ZDHHC14: variants seen among roughly 807,000 people sequenced by gnomAD.
ZDHHC14 encodes zDHHC palmitoyltransferase 14.
ZDHHC14 carries 16 observed loss-of-function variants against 47.7 expected under a neutral mutation model. The ratio of observed to expected loss-of-function variants is 0.34; its 90% confidence interval spans 0.23 to 0.51. ZDHHC14 has a LOEUF of 0.51. Ranked by LOEUF, ZDHHC14 falls within the 20% of genes least tolerant of loss-of-function variation. The probability of loss-of-function intolerance (pLI) is 0.97; values close to 1 mark genes in which losing one functional copy is unlikely to be tolerated. For synonymous variants in ZDHHC14, 293 were observed against 278.9 expected, an observed-to-expected ratio of 1.05 and a Z score of -0.50; for missense variants, 515 against 662.5, an observed-to-expected ratio of 0.78 and a Z score of 2.44.
chr6:157,592,861 G>A lies in ZDHHC14; in HGVS notation c.407-127G>A, dbSNP rs142055883. 2.4e-4 allele frequency: 350 copies of A among 1,487,340 alleles called. 1 individual carries two copies. The African/African-American group carries it at 4.5e-3, about 19-fold the overall frequency. The allele number at this position is 1,487,340 out of a possible 1,614,324, so 92.1% of individuals were successfully genotyped here. ...CCCAGAGCCCCAGCCTGGGTAAACCGTGGGCACCGGGGGCCCTGCCAGCCG... is the reference window on the plus strand; with the variant it reads ...CCCAGAGCCCCAGCCTGGGTAAACCATGGGCACCGGGGGCCCTGCCAGCCG... On this transcript the variant is annotated intron_variant, in intron 2 of 8. Transcript: ENST00000359775.
At chr6:157,522,748 T>C (rs28460571) in intron 1 of ZDHHC14, among the ~76,000 whole-genome samples, 148 of 19,802 alleles carry the variant, frequency 7.5e-3, no homozygotes, top group African/African-American at 9.2e-3. Flanking sequence ...TCCCTCCCTT[T>C]CTTCCTCCCT....
chr6:157,633,911 C>T (rs1406982971), intron 5 of ZDHHC14, among the ~76,000 whole-genome samples: 1 of 152,114 alleles, frequency 6.6e-6, no homozygotes, highest in Non-Finnish European at 1.5e-5. Context: ...CCTGGCCCTC[C>T]CCAAGTGTTG....
intron 2 of ZDHHC14, among the ~76,000 whole-genome samples, chr6:157,590,441 C>T (rs1296320792): frequency 2.0e-5 from 3 of 152,174 alleles, no homozygotes; most frequent in Non-Finnish European, 4.4e-5. Context: ...TTAAAAGGGG[C>T]CAAGGTTCAG....
chr6:157,593,264 G>C (rs905925), intron 3 of ZDHHC14, 118 bp downstream of exon 3: 772,346 of 1,289,154 alleles, frequency 0.6, 235,724 homozygotes, highest in African/African-American at 0.85. Context: ...GCATTTGCAT[G>C]TTGCCACTGA....
At chr6:157,671,680 A>T (rs1490580706) in intron 8 of ZDHHC14, among the ~76,000 whole-genome samples, 1 of 152,210 alleles carries the variant, frequency 6.6e-6, no homozygotes, top group Non-Finnish European at 1.5e-5. Flanking sequence ...GACACGAGGC[A>T]GATATCATGT....
At chr6:157,492,626 T>G (rs1779954293) in intron 1 of ZDHHC14, among the ~76,000 whole-genome samples, 1 of 152,202 alleles carries the variant, frequency 6.6e-6, no homozygotes, top group South Asian at 2.1e-4. Flanking sequence ...GAAGGCTGTG[T>G]TCTACCTGCT....
Position 157,674,964 on chromosome 6 carries a change from CCTT to C in ZDHHC14, c.*1843_*1845del, listed in dbSNP as rs937942563. 4 of 152,256 alleles carry C rather than the reference CCTT, an allele frequency of 2.6e-5. No individual in the cohort carries two copies. Among genetic ancestry groups the C allele is most frequent in the Non-Finnish European group, 5.9e-5 (4 of 68,054 alleles). 9.4% of individuals were successfully genotyped at this position (152,256 alleles called of 1,614,324 possible). On this transcript the variant is annotated 3_prime_UTR_variant, in exon 9 of 9. Transcript: ENST00000359775. ...TGTGTAATTCATGGGGCAGTGCCCT[CCTT>C]ACACAACCGCACACGCTCACAGGCA... is the stretch of plus-strand genomic sequence containing the variant.
At chr6:157,481,899 A>G (rs1779640186) in intron 1 of ZDHHC14, among the ~76,000 whole-genome samples, 2 of 152,234 alleles carry the variant, frequency 1.3e-5, no homozygotes. Context: ...ATAAGCAACT[A>G]GAGGTGCATG....
intron 3 of ZDHHC14, among the ~76,000 whole-genome samples, chr6:157,614,133 AG>A (rs1273960523): frequency 6.7e-6 from 1 of 149,978 alleles, no homozygotes; most frequent in Non-Finnish European, 1.5e-5. Context: ...AGCTCTTGGT[AG>A]GGGGGATGGG....
intron 1 of ZDHHC14, among the ~76,000 whole-genome samples, chr6:157,505,715 G>A (rs1469354229): frequency 6.9e-6 from 1 of 145,138 alleles, no homozygotes; most frequent in African/African-American, 2.6e-5. Flanking sequence ...TCATGGATAG[G>A]GAGGCAGGGA....
chr6:157,506,406 G>A lies in ZDHHC14; in HGVS notation c.246-36179G>A, dbSNP rs182982826. Among the ~76,000 whole-genome samples the A allele has an allele frequency of 1.2e-4, 19 of 152,328 alleles. No individual in the cohort carries two copies. In the East Asian group the frequency reaches 3.3e-3, roughly 26 times the overall value. Reference sequence around the variant, plus strand: ...TCTGGGAATCCATTTGCAAAGAGCTGGATGTTGGAGAGAGCCCTCTGCAAG... The same window carrying A: ...TCTGGGAATCCATTTGCAAAGAGCTAGATGTTGGAGAGAGCCCTCTGCAAG... On this transcript the variant is annotated intron_variant, in intron 1 of 8. Coordinates refer to ENST00000359775, the MANE Select transcript of ZDHHC14 (RefSeq NM_024630.3).
intron 3 of ZDHHC14, among the ~76,000 whole-genome samples, chr6:157,608,814 G>A (rs770193742): frequency 1.5e-4 from 23 of 152,336 alleles, no homozygotes; most frequent in South Asian, 2.1e-4. Context: ...ATGGTGGCAC[G>A]ACAGAGCCAA....
At chr6:157,624,450 G>C (rs1785322831) in intron 3 of ZDHHC14, among the ~76,000 whole-genome samples, 1 of 152,288 alleles carries the variant, frequency 6.6e-6, no homozygotes, top group Non-Finnish European at 1.5e-5. Flanking sequence ...TCGTTCCTTG[G>C]ATCTGAGGAA....
chr6:157,477,437 T>A (rs964799084), intron 1 of ZDHHC14, among the ~76,000 whole-genome samples: 1 of 152,186 alleles, frequency 6.6e-6, no homozygotes, highest in Non-Finnish European at 1.5e-5. Flanking sequence ...GTGCAGACAT[T>A]ATCTTAAATA....
intron 1 of ZDHHC14, among the ~76,000 whole-genome samples, chr6:157,479,086 G>T (rs1367736650): frequency 1.3e-5 from 2 of 152,192 alleles, no homozygotes; most frequent in Non-Finnish European, 2.9e-5. Flanking sequence ...CAGAAAGCCA[G>T]CATGGCATTG....
intron 1 of ZDHHC14, among the ~76,000 whole-genome samples, chr6:157,534,290 C>T (rs145105152): frequency 4.7e-4 from 72 of 152,308 alleles, no homozygotes; most frequent in African/African-American, 1.4e-3. Flanking sequence ...CGATGCCTTA[C>T]GGTTCCAGGA....
At chr6:157,389,288 T>C (rs559300806) in intron 1 of ZDHHC14, among the ~76,000 whole-genome samples, 4 of 152,334 alleles carry the variant, frequency 2.6e-5, no homozygotes, top group African/African-American at 7.2e-5. Flanking sequence ...TTTTTCTCTC[T>C]CTTCCTCAAT....
At chr6:157,656,789 A>G (rs1362463475) in intron 8 of ZDHHC14, among the ~76,000 whole-genome samples, 1 of 151,200 alleles carries the variant, frequency 6.6e-6, no homozygotes, top group Non-Finnish European at 1.5e-5. Context: ...CAGTCTGAAC[A>G]CCCCAGGAAA....
chr6:157,577,313 T>C (rs1488894809), intron 2 of ZDHHC14, among the ~76,000 whole-genome samples: 1 of 152,242 alleles, frequency 6.6e-6, no homozygotes, highest in Admixed American at 6.5e-5. Flanking sequence ...TGAATAGTGC[T>C]ACAGTGAACA....
Sources: allele counts gnomAD v4.1 joint callset (sites outside exome capture counted in the v4.1 genomes callset), GRCh38; gene constraint gnomAD v4.1.1; transcripts MANE v1.5; gene names NCBI Gene and HGNC (gene_info 2026-07-23, HGNC 2026-07-21).